SYN3: variants seen among roughly 807,000 people sequenced by gnomAD.
The protein encoded by SYN3 is synapsin III.
In SYN3, 35 loss-of-function variants were observed where a neutral mutation model predicts 65.8. The ratio of observed to expected loss-of-function variants is 0.53; its 90% CI spans 0.41 to 0.70. The LOEUF is 0.70. SYN3 is among the 30% of genes least tolerant of loss of function. The pLI is 0.00. For missense variants in SYN3, 680 were observed against 749.0 expected (o/e 0.91, Z 1.08); for synonymous variants, 270 against 292.9 (o/e 0.92, Z 0.80).
intron 6 of SYN3, among the ~76,000 whole-genome samples, chr22:32,747,766 T>C (rs1602049168): frequency 6.6e-6 from 1 of 152,332 alleles, no homozygotes; most frequent in East Asian, 1.9e-4. Flanking sequence ...GATGAGCTCA[T>C]GCACCAGTGT....
intron 1 of SYN3, among the ~76,000 whole-genome samples, chr22:33,031,946 C>T (rs140253750): frequency 6.6e-6 from 1 of 152,132 alleles, no homozygotes; most frequent in African/African-American, 2.4e-5. Context: ...TGGAGGATCA[C>T]GCCTGTCATC....
chr22:32,998,941 C>G (rs2052978548), intron 2 of SYN3, among the ~76,000 whole-genome samples: 1 of 152,076 alleles, frequency 6.6e-6, no homozygotes, highest in Admixed American at 6.5e-5. Flanking sequence ...GTTCTGTGTT[C>G]CTGAACCCTA....
intron 3 of SYN3, among the ~76,000 whole-genome samples, chr22:32,970,149 CAAG>C (rs2051973071): frequency 6.6e-6 from 1 of 152,180 alleles, no homozygotes; most frequent in Non-Finnish European, 1.5e-5. Context: ...GGCTCTGCTT[CAAG>C]TGCTTCATGC....
At chr22:32,743,789 C>T (rs747395473) in intron 6 of SYN3, among the ~76,000 whole-genome samples, 7 of 152,110 alleles carry the variant, frequency 4.6e-5, no homozygotes, top group Non-Finnish European at 8.8e-5. Context: ...CCTGAGGCAA[C>T]TGCAGAAGGC....
At chr22:32,667,521 G>A (rs1271121657) in intron 6 of SYN3, among the ~76,000 whole-genome samples, 7 of 152,122 alleles carry the variant, frequency 4.6e-5, no homozygotes, top group Admixed American at 6.6e-5. Flanking sequence ...CCGTCTTTGC[G>A]CACTTGCTTA....
At chr22:32,911,283 C>T (rs1271429523) in intron 4 of SYN3, among the ~76,000 whole-genome samples, 2 of 152,194 alleles carry the variant, frequency 1.3e-5, no homozygotes, top group Non-Finnish European at 2.9e-5. Flanking sequence ...TTCCTACTGA[C>T]CTATAAGACA....
intron 6 of SYN3, among the ~76,000 whole-genome samples, chr22:32,615,366 G>A (rs948937836): frequency 2.0e-5 from 3 of 149,498 alleles, no homozygotes; most frequent in Admixed American, 1.3e-4. Context: ...ACCAGGAGGC[G>A]GAGGTTGCAG....
At chr22:32,621,661 CA>C (rs918264036) in intron 6 of SYN3, among the ~76,000 whole-genome samples, 42 of 152,186 alleles carry the variant, frequency 2.8e-4, no homozygotes, top group African/African-American at 1.0e-3. Flanking sequence ...ATTTCCCTTA[CA>C]GGGGGTGCCT....
chr22:32,980,536 A>T, intron 3 of SYN3, 109 bp downstream of exon 3: 3 of 1,000,584 alleles, frequency 3.0e-6, no homozygotes, highest in Non-Finnish European at 4.7e-6. Context: ...TTTTCTGGTA[A>T]TCTTGGCTCA....
chr22:32,596,684 C>G lies in SYN3; in HGVS notation c.764G>C (p.Gly255Ala). 1.2e-6 allele frequency: 2 copies of G among 1,614,026 alleles called. No homozygotes were observed. The highest frequency in any genetic ancestry group is 1.7e-6 in the Non-Finnish European group (2 of 1,179,966). The part of the protein sequence containing the change: ...VVVKLGHAHA[G>A]MGKIKVENQL... ...GGCTGTTTCTCATACCTTTCCCATTCCAGCGTGGGCATGTCCCAGCTTGAC... is the reference window on the plus strand; with the variant it reads ...GGCTGTTTCTCATACCTTTCCCATTGCAGCGTGGGCATGTCCCAGCTTGAC... Residue 255 changes from glycine (G) to alanine (A), a missense_variant, in exon 7 of 14, where the codon GGA (glycine) becomes GCA (alanine). Gly to Ala is a moderately conservative substitution (Grantham distance 60). Transcript: ENST00000358763.
chr22:32,555,187 G>A (rs1257426583), intron 7 of SYN3, among the ~76,000 whole-genome samples: 1 of 152,196 alleles, frequency 6.6e-6, no homozygotes, highest in Non-Finnish European at 1.5e-5. Context: ...CAATAGCCCT[G>A]AGGTTGATGC....
At chr22:32,608,484 A>G (rs185636369) in intron 6 of SYN3, among the ~76,000 whole-genome samples, 1 of 152,376 alleles carries the variant, frequency 6.6e-6, no homozygotes, top group East Asian at 1.9e-4. Flanking sequence ...ATGTTCACAC[A>G]TTTAATGTCT....
chr22:32,784,560 T>C (rs998301380), intron 6 of SYN3, among the ~76,000 whole-genome samples: 4 of 152,196 alleles, frequency 2.6e-5, no homozygotes, highest in South Asian at 2.1e-4. Flanking sequence ...AGTTTCAGCC[T>C]TGCAGAGGAG....
intron 3 of SYN3, among the ~76,000 whole-genome samples, chr22:32,977,212 G>A (rs1288736534): frequency 6.6e-6 from 1 of 152,192 alleles, no homozygotes; most frequent in Non-Finnish European, 1.5e-5. Flanking sequence ...CAGTGTGATT[G>A]TAGACTTCAT....
At chr22:32,621,885 A>C (rs933305681) in intron 6 of SYN3, among the ~76,000 whole-genome samples, 1 of 151,946 alleles carries the variant, frequency 6.6e-6, no homozygotes. Context: ...AGGCCTCCTG[A>C]CTCAGATCTA....
chr22:32,806,767 T>C (rs956414609), intron 6 of SYN3, among the ~76,000 whole-genome samples: 6 of 150,684 alleles, frequency 4.0e-5, no homozygotes, highest in African/African-American at 1.5e-4. Flanking sequence ...GATATATCCA[T>C]TTCTATTTAT....
intron 2 of SYN3, among the ~76,000 whole-genome samples, chr22:33,005,700 G>A (rs1483978167): frequency 6.6e-6 from 1 of 152,178 alleles, no homozygotes; most frequent in African/African-American, 2.4e-5. Context: ...GAGCCAGACT[G>A]CCAGTACCTG....
At chr22:32,873,358 G>A (rs1406908604) in intron 4 of SYN3, among the ~76,000 whole-genome samples, 1 of 151,728 alleles carries the variant, frequency 6.6e-6, no homozygotes, top group Admixed American at 6.6e-5. Flanking sequence ...ATTCAACTCT[G>A]TTAAGGGATG....
chr22:32,710,805 T>C (rs1213350919), intron 6 of SYN3, among the ~76,000 whole-genome samples: 1 of 152,132 alleles, frequency 6.6e-6, no homozygotes, highest in Non-Finnish European at 1.5e-5. Context: ...TCATGCTTCC[T>C]GTACTGCCTG....
Sources: gnomAD v4.1 joint callset for allele counts (sites outside exome capture counted in the v4.1 genomes callset) on GRCh38, gnomAD v4.1.1 for gene constraint, MANE v1.5 for transcripts, NCBI Gene and HGNC (gene_info 2026-07-23, HGNC 2026-07-21) for gene names.